The following MMS22L variants were observed in gnomAD, a reference collection of about 807,000 sequenced individuals.
MMS22L encodes protein MMS22-like.
In MMS22L, 74 loss-of-function variants were observed where a neutral mutation model predicts 159.1. That is an observed-to-expected ratio of 0.47 (90% CI 0.39 to 0.56). MMS22L has a LOEUF of 0.56. MMS22L is among the 20% of genes least tolerant of loss of function. The pLI is 0.00. For synonymous variants in MMS22L, 517 were observed against 506.9 expected, an observed-to-expected ratio of 1.02 and a Z score of -0.27; for missense variants, 1,351 against 1,422.1, an observed-to-expected ratio of 0.95 and a Z score of 0.80.
At chr6:97,281,153 T>G in intron 3 of MMS22L, 84 bp downstream of exon 3, 2 of 1,294,412 alleles carry the variant, frequency 1.5e-6, no homozygotes, top group Admixed American at 5.1e-5. Flanking sequence ...TCTTTTGTAA[T>G]ATCAGTATTA....
chr6:97,218,723 T>G (rs1809297331), intron 14 of MMS22L, among the ~76,000 whole-genome samples: 1 of 152,178 alleles, frequency 6.6e-6, no homozygotes, highest in Non-Finnish European at 1.5e-5. Context: ...GACTGGTGTA[T>G]TAGTCGGTTC....
intron 9 of MMS22L, among the ~76,000 whole-genome samples, chr6:97,263,068 T>G (rs1270526491): frequency 1.3e-5 from 2 of 152,160 alleles, no homozygotes; most frequent in Non-Finnish European, 2.9e-5. Flanking sequence ...TCTGAAAGAT[T>G]TCTGATAGAA....
intron 12 of MMS22L, among the ~76,000 whole-genome samples, chr6:97,231,948 ATTCTTT>A (rs1476973728): frequency 2.0e-5 from 3 of 152,154 alleles, no homozygotes; most frequent in Admixed American, 2.0e-4. Context: ...GGGCTCTTTT[ATTCTTT>A]AAGTTTCCCA....
At chr6:97,244,325 T>C (rs1812403228) in intron 11 of MMS22L, among the ~76,000 whole-genome samples, 1 of 152,154 alleles carries the variant, frequency 6.6e-6, no homozygotes, top group Admixed American at 6.5e-5. Context: ...GGAGCTCCCA[T>C]GAGTTTATGT....
chr6:97,162,315 T>C (rs1802532578), intron 21 of MMS22L, 150 bp from the exon 22 acceptor site: 1 of 611,334 alleles, frequency 1.6e-6, no homozygotes. Flanking sequence ...CCATGCTATC[T>C]TCAAACATAG....
chr6:97,190,264 T>C (rs1178902629), intron 14 of MMS22L, among the ~76,000 whole-genome samples: 2 of 152,238 alleles, frequency 1.3e-5, no homozygotes, highest in Non-Finnish European at 2.9e-5. Context: ...AGGCATTATT[T>C]ACCTTCTTCA....
rs1800704713 is a variant in MMS22L at position 97,142,873 on chromosome 6, CCA to C, written c.*3931_*3932del. 1 of 151,996 alleles carries C rather than the reference CCA, an allele frequency of 6.6e-6. No homozygotes were observed. Among genetic ancestry groups the C allele is most frequent in the African/African-American group, 2.4e-5 (1 of 41,368 alleles). The allele number at this position is 151,996 out of a possible 1,614,324, so 9.4% of individuals were successfully genotyped here. A position where few individuals can be genotyped will look rare whatever the true frequency, so the allele number is the denominator to read the frequency against. On this transcript the variant is annotated 3_prime_UTR_variant, in exon 25 of 25. Transcript: ENST00000683635. Reference sequence around the variant, plus strand: ...GAAAATAATAATAGGTAAGGAAAACCCACAAACATCTGACTCACAAATATTTT... The same window carrying C: ...GAAAATAATAATAGGTAAGGAAAACCCAAACATCTGACTCACAAATATTTT...
At chr6:97,265,427 G>A (rs1814990177) in intron 8 of MMS22L, 1 of 152,094 alleles carries the variant, frequency 6.6e-6, no homozygotes, top group African/African-American at 2.4e-5. Flanking sequence ...AAAGCTATAT[G>A]ACAATGGTCT....
At chr6:97,219,185 T>C (rs1308416740) in intron 14 of MMS22L, among the ~76,000 whole-genome samples, 2 of 152,112 alleles carry the variant, frequency 1.3e-5, no homozygotes, top group Non-Finnish European at 2.9e-5. Flanking sequence ...CCATATCAAC[T>C]GGTAACACAC....
At chr6:97,254,442 A>C in intron 10 of MMS22L, 115 bp downstream of exon 10, 1 of 553,042 alleles carries the variant, frequency 1.8e-6, no homozygotes, top group Non-Finnish European at 2.9e-6. Context: ...TAAATAATTT[A>C]TCTCTGTGAT....
intron 11 of MMS22L, among the ~76,000 whole-genome samples, chr6:97,244,156 T>A (rs545456935): frequency 6.6e-6 from 1 of 152,306 alleles, no homozygotes; most frequent in East Asian, 1.9e-4. Context: ...GCAGGGTTGT[T>A]CTGTTATGAG....
At chr6:97,281,833 A>G (rs1279989729) in intron 2 of MMS22L, among the ~76,000 whole-genome samples, 1 of 152,234 alleles carries the variant, frequency 6.6e-6, no homozygotes, top group African/African-American at 2.4e-5. Context: ...GGTATTACCA[A>G]AATATTTCAA....
intron 16 of MMS22L, 100 bp from the exon 17 acceptor site, chr6:97,179,659 T>C (rs1804502129): frequency 9.8e-7 from 1 of 1,018,812 alleles, no homozygotes; most frequent in Non-Finnish European, 1.3e-6. Context: ...TGCAACTCCT[T>C]GGCCTCATTG....
At chr6:97,189,952 G>A (rs1254635462) in intron 14 of MMS22L, among the ~76,000 whole-genome samples, 1 of 152,138 alleles carries the variant, frequency 6.6e-6, no homozygotes, top group African/African-American at 2.4e-5. Flanking sequence ...TGCCAAGAGT[G>A]CACTGTAATA....
chr6:97,245,124 A>AAT (rs909880464), intron 11 of MMS22L, among the ~76,000 whole-genome samples: 1 of 151,776 alleles, frequency 6.6e-6, no homozygotes, highest in Non-Finnish European at 1.5e-5. Context: ...AAATATATAT[A>AAT]ATATATATAT....
In MMS22L at chr6:97,168,007, A is replaced by C. The variant is rs1803144722; in HGVS notation, c.3009+64T>G. 4 of 1,347,318 alleles carry C rather than the reference A, an allele frequency of 3.0e-6. No homozygotes were observed. In the East Asian group the frequency reaches 9.7e-5, roughly 33 times the overall value. The allele number at this position is 1,347,318 out of a possible 1,614,324, so 83.5% of individuals were successfully genotyped here. ...TTTTTAAATCTGCATTTAGTAAACT[A>C]TGTTTTTAAGGCAAAGTTTCAATAT... On this transcript the variant is annotated intron_variant, in intron 20 of 24. Transcript: ENST00000683635.
intron 14 of MMS22L, among the ~76,000 whole-genome samples, chr6:97,191,100 A>C (rs1254161188): frequency 1.3e-5 from 2 of 151,766 alleles, no homozygotes; most frequent in African/African-American, 4.8e-5. Flanking sequence ...TCTTGCTTTG[A>C]TTTCATGTTT....
In MMS22L at chr6:97,191,354, T is replaced by C. The variant is rs112161933; in HGVS notation, c.2040-4664A>G. 2.6e-4 allele frequency among the ~76,000 whole-genome samples: 39 copies of C among 152,316 alleles called. 2 individuals carry two copies. The highest frequency in any genetic ancestry group is 8.7e-4 in the African/African-American group (36 of 41,580). ...TCTTGGCATACCATTGTTTCTCCTA[T>C]AACTGTTATAGAATAAGGTATGACA... is the stretch of plus-strand genomic sequence containing the variant. On this transcript the variant is annotated intron_variant, in intron 14 of 24. Coordinates refer to ENST00000683635, the MANE Select transcript of MMS22L (RefSeq NM_001350599.2).
intron 15 of MMS22L, among the ~76,000 whole-genome samples, chr6:97,184,030 T>G (rs1340528890): frequency 6.6e-6 from 1 of 152,174 alleles, no homozygotes; most frequent in Non-Finnish European, 1.5e-5. Context: ...ACCTTTTCTC[T>G]GGAATCATCT....
Sources: allele counts gnomAD v4.1 joint callset (sites outside exome capture counted in the v4.1 genomes callset), GRCh38; gene constraint gnomAD v4.1.1; transcripts MANE v1.5; gene names NCBI Gene and HGNC (gene_info 2026-07-23, HGNC 2026-07-21).